The following ABR variants were observed in gnomAD, a reference collection of about 807,000 sequenced individuals.
ABR encodes ABR activator of RhoGEF and GTPase.
A neutral mutation model predicts 107.2 loss-of-function variants in ABR; 35 were observed. That is an observed-to-expected ratio of 0.33 (90% CI 0.25 to 0.43). The LOEUF is 0.43. ABR is among the 20% of genes least tolerant of loss of function. ABR has a pLI of 1.00. For synonymous variants in ABR, 498 were observed against 462.0 expected (o/e 1.08, Z -1.00); for missense variants, 815 against 1,115.2 (o/e 0.73, Z 3.83).
At chr17:1,195,304 C>CAAAAAAAAAG (rs2042535892) in intron 1 of ABR, among the ~76,000 whole-genome samples, 1 of 87,638 alleles carries the variant, frequency 1.1e-5, no homozygotes, top group Non-Finnish European at 2.4e-5. Context: ...GAGACTGTCT[C>CAAAAAAAAAG]AAAAAAAAAA....
chr17:1,065,623 C>A (rs965619465), intron 10 of ABR, among the ~76,000 whole-genome samples: 1 of 151,544 alleles, frequency 6.6e-6, no homozygotes, highest in Non-Finnish European at 1.5e-5. Flanking sequence ...ACTTTGGCTG[C>A]ATCCATGGGT....
At chr17:1,091,281 C>CTCCGGGAGAGAGAGGGAGCACCG (rs1402442154) in intron 4 of ABR, among the ~76,000 whole-genome samples, 10 of 152,270 alleles carry the variant, frequency 6.6e-5, no homozygotes, top group Admixed American at 3.3e-4. Context: ...TCAGAGCACC[C>CTCCGGGAGAGAGAGGGAGCACCG]TCCGGGAGAG....
chr17:1,129,058 C>T (rs1214870533), intron 1 of ABR, among the ~76,000 whole-genome samples: 8 of 152,340 alleles, frequency 5.3e-5, no homozygotes, highest in Middle Eastern at 3.4e-3. Flanking sequence ...GTCCCCGCTT[C>T]GGTGCTTTTC....
At chr17:1,133,228 G>A (rs1294836555) in intron 1 of ABR, among the ~76,000 whole-genome samples, 1 of 145,118 alleles carries the variant, frequency 6.9e-6, no homozygotes, top group Non-Finnish European at 1.5e-5. Flanking sequence ...GGCAGCAAGA[G>A]CAAAACTCCG....
intron 4 of ABR, among the ~76,000 whole-genome samples, chr17:1,091,435 G>C (rs2037023373): frequency 1.3e-5 from 2 of 152,148 alleles, no homozygotes; most frequent in African/African-American, 4.8e-5. Flanking sequence ...CACACAGCCT[G>C]TCTCCACCAC....
In ABR at chr17:1,005,680, C is replaced by G. The variant is rs552166297; in HGVS notation, c.*400G>C. On this transcript the variant is annotated 3_prime_UTR_variant, in exon 23 of 23. Transcript: ENST00000302538. ...AAGAGAGAAGCTGGCAGCAGTTACA[C>G]AGCGCAAAATAAAAGGCCTTGGGCT... 5.0e-4 allele frequency: 117 copies of G among 231,998 alleles called. 1 individual carries two copies. The highest frequency in any genetic ancestry group is 2.5e-3 in the African/African-American group (109 of 43,652). 14.4% of individuals were successfully genotyped at this position (231,998 alleles called of 1,614,324 possible). A position where few individuals can be genotyped will look rare whatever the true frequency, so the allele number is the denominator to read the frequency against.
At chr17:1,193,146 G>A (rs1281656770) in intron 1 of ABR, among the ~76,000 whole-genome samples, 1 of 152,204 alleles carries the variant, frequency 6.6e-6, no homozygotes, top group Non-Finnish European at 1.5e-5. Context: ...GTTCTTTTGG[G>A]AACTGGGGGC....
intron 2 of ABR, among the ~76,000 whole-genome samples, chr17:1,106,560 C>T: frequency 7.9e-6 from 1 of 126,120 alleles, no homozygotes; most frequent in Non-Finnish European, 1.6e-5. Context: ...GACTGAGTCT[C>T]ACCCTGTCGC....
rs1017122167 is a variant in ABR, at chr17:1,027,811, C to G, written c.1792-14647G>C. ...CTTCCCACCGGGAAACAAGGAAGGG[C>G]GGTGGGCAGCCGGGCCAGGCCAGAC... On this transcript the variant is annotated intron_variant, in intron 16 of 22. Coordinates refer to ENST00000302538, the MANE Select transcript of ABR (RefSeq NM_021962.5). The surrounding 1 kb of genome is among the most constrained non-coding windows in gnomAD (Gnocchi z 4.7). 5.3e-5 allele frequency among the ~76,000 whole-genome samples: 8 copies of G among 151,908 alleles called. No homozygotes were observed. Among genetic ancestry groups the G allele is most frequent in the African/African-American group, 1.9e-4 (8 of 41,338 alleles).
At chr17:1,208,824 C>T (rs954808266) in intron 1 of ABR, among the ~76,000 whole-genome samples, 1 of 149,264 alleles carries the variant, frequency 6.7e-6, no homozygotes, top group Non-Finnish European at 1.5e-5. Flanking sequence ...GGAGGTGGAG[C>T]TTGCAGTGAG....
At chr17:1,073,851 A>G (rs546214954) in intron 6 of ABR, among the ~76,000 whole-genome samples, 174 bp from the exon 7 acceptor site, 1 of 151,708 alleles carries the variant, frequency 6.6e-6, no homozygotes, top group South Asian at 2.1e-4. Flanking sequence ...CGGGCCGACC[A>G]AACAGCAGAC....
Position 1,050,524 on chromosome 17 carries a change from C to T in ABR, c.1659+13G>A. The T allele has an allele frequency of 6.2e-7, 1 of 1,612,312 alleles. No individual in the cohort carries two copies. The highest frequency in any genetic ancestry group is 8.5e-7 in the Non-Finnish European group (1 of 1,178,520). On this transcript the variant is annotated intron_variant, in intron 15 of 22. Coordinates refer to ENST00000302538, the MANE Select transcript of ABR (RefSeq NM_021962.5). The surrounding 1 kb of genome is among the most constrained non-coding windows in gnomAD (Gnocchi z 4.6). Reference sequence around the variant, plus strand: ...GTGGGGTCCCCACAGAGATGCCAGCCCCTGCCACTCACCTCATCCCACTTG... The same window carrying T: ...GTGGGGTCCCCACAGAGATGCCAGCTCCTGCCACTCACCTCATCCCACTTG...
intron 1 of ABR, among the ~76,000 whole-genome samples, chr17:1,196,181 G>A (rs1165939362): frequency 5.4e-5 from 8 of 147,354 alleles, no homozygotes; most frequent in Non-Finnish European, 8.9e-5. Context: ...TATAATCCCG[G>A]CACTTTGGGA....
chr17:1,111,581 C>T (rs879361260), intron 2 of ABR, among the ~76,000 whole-genome samples: 1 of 152,240 alleles, frequency 6.6e-6, no homozygotes, highest in Non-Finnish European at 1.5e-5. Context: ...ATTCCAAAGC[C>T]AGAGGCCTCC....
intron 1 of ABR, among the ~76,000 whole-genome samples, chr17:1,164,743 T>C (rs1023315313): frequency 6.6e-6 from 1 of 152,086 alleles, no homozygotes; most frequent in African/African-American, 2.4e-5. Context: ...CTCAGCTCAC[T>C]GAAGCCTCGA....
chr17:1,195,303 T>G (rs367722970), intron 1 of ABR, among the ~76,000 whole-genome samples: 10,723 of 88,342 alleles, frequency 0.12, 701 homozygotes, highest in East Asian at 0.31. Context: ...TGAGACTGTC[T>G]CAAAAAAAAA....
intron 16 of ABR, among the ~76,000 whole-genome samples, chr17:1,043,384 G>C (rs549662642): frequency 6.6e-6 from 1 of 152,024 alleles, no homozygotes; most frequent in South Asian, 2.1e-4. Flanking sequence ...GGCCAGGCTG[G>C]TCTTGAACTC....
intron 14 of ABR, among the ~76,000 whole-genome samples, chr17:1,054,626 ATGTGGGCACAAG>A (rs2033029985): frequency 4.6e-5 from 1 of 21,710 alleles, no homozygotes; most frequent in Non-Finnish European, 9.1e-5. Flanking sequence ...ACCTCAGGGG[ATGTGGGCACAAG>A]GAACCTCAGG....
rs1219786217 is a variant in ABR, at chr17:1,166,108, GC to G, written c.61+13558del. On this transcript the variant is annotated intron_variant, in intron 1 of 22. Transcript: ENST00000302538. ...CCCTCCCCAGCGTGGTCCCACCTCT[GC>G]TCTCCCAGAGCCCAAGGTGGAGTTT... Among the ~76,000 whole-genome samples, 3 of 149,924 alleles carry G rather than the reference GC, an allele frequency of 2.0e-5. No homozygotes were observed. The Admixed American group carries it at 2.0e-4, about 10-fold the overall frequency.
Sources: allele counts gnomAD v4.1 joint callset (sites outside exome capture counted in the v4.1 genomes callset), GRCh38; gene constraint gnomAD v4.1.1; non-coding constraint Gnocchi (gnomAD v3.1); transcripts MANE v1.5; gene names NCBI Gene and HGNC (gene_info 2026-07-23, HGNC 2026-07-21).